LRRC2: variants seen among roughly 807,000 people sequenced by gnomAD.
LRRC2 encodes leucine-rich repeat-containing protein 2.
A neutral mutation model predicts 40.2 loss-of-function variants in LRRC2; 27 were observed. That is an observed-to-expected ratio of 0.67 (90% CI 0.49 to 0.93). The LOEUF is 0.93. Among genes scored for constraint, LRRC2 ranks in the 40% least tolerant of loss-of-function variants. The pLI is 0.00. For missense variants in LRRC2, 402 were observed against 439.6 expected (o/e 0.91, Z 0.76); for synonymous variants, 147 against 158.9 (o/e 0.92, Z 0.56).
At chr3:46,556,861 G>A (rs560853585) in intron 1 of LRRC2, among the ~76,000 whole-genome samples, 1 of 152,256 alleles carries the variant, frequency 6.6e-6, no homozygotes, top group Admixed American at 6.5e-5. Flanking sequence ...ACAGGCGTGA[G>A]CCATCGCGCC....
intron 4 of LRRC2, among the ~76,000 whole-genome samples, chr3:46,534,903 G>A (rs1362058884): frequency 2.0e-5 from 3 of 152,198 alleles, no homozygotes; most frequent in East Asian, 1.9e-4. Context: ...TCATTCCCAC[G>A]TTCCTCACTA....
chr3:46,521,849 TA>T (rs2106975275), intron 7 of LRRC2, among the ~76,000 whole-genome samples, 191 bp from the exon 8 acceptor site: 1 of 152,340 alleles, frequency 6.6e-6, no homozygotes, highest in African/African-American at 2.4e-5. Flanking sequence ...GAGCCAGTTT[TA>T]AAGTATAGAC....
chr3:46,534,916 C>T (rs1704244203), intron 4 of LRRC2, among the ~76,000 whole-genome samples: 1 of 152,212 alleles, frequency 6.6e-6, no homozygotes, highest in Non-Finnish European at 1.5e-5. Flanking sequence ...CCTCACTATG[C>T]TTGAGCATCA....
intron 7 of LRRC2, among the ~76,000 whole-genome samples, chr3:46,523,701 A>AC (rs1704005602): frequency 2.0e-5 from 3 of 151,810 alleles, no homozygotes; most frequent in African/African-American, 7.3e-5. Flanking sequence ...CCATCCATCC[A>AC]CCCATCCATC....
chr3:46,527,874 G>T (rs1465110746), intron 6 of LRRC2, among the ~76,000 whole-genome samples: 1 of 151,984 alleles, frequency 6.6e-6, no homozygotes, highest in African/African-American at 2.4e-5. Flanking sequence ...TAGGACTACA[G>T]GCACACGCCA....
chr3:46,552,246 A>T (rs552503025), intron 1 of LRRC2, among the ~76,000 whole-genome samples: 2 of 152,192 alleles, frequency 1.3e-5, no homozygotes, highest in African/African-American at 4.8e-5. Context: ...AGGTTGTTAC[A>T]TAATCAAGGA....
chr3:46,545,496 C>T (rs771498014), intron 2 of LRRC2, among the ~76,000 whole-genome samples: 17 of 152,280 alleles, frequency 1.1e-4, no homozygotes, highest in African/African-American at 3.4e-4. Context: ...TCTGGCTATG[C>T]GTTTAATTAT....
chr3:46,554,475 C>G (rs1018587577), intron 1 of LRRC2, among the ~76,000 whole-genome samples: 2 of 151,950 alleles, frequency 1.3e-5, no homozygotes, highest in African/African-American at 2.4e-5. Context: ...GAAACCCCAT[C>G]TCTACTAAAA....
intron 2 of LRRC2, among the ~76,000 whole-genome samples, chr3:46,546,634 TA>T (rs891419998): frequency 3.5e-4 from 53 of 151,626 alleles, no homozygotes; most frequent in African/African-American, 1.2e-3. Context: ...GCCATACAAA[TA>T]ATTCTTATCC....
At chr3:46,554,271 T>A (rs1486579195) in intron 1 of LRRC2, among the ~76,000 whole-genome samples, 1 of 60,826 alleles carries the variant, frequency 1.6e-5, no homozygotes, top group African/African-American at 6.6e-5. Flanking sequence ...TCCACCCACC[T>A]AGGCCTCCCA....
chr3:46,549,137 C>T (rs866482594), intron 2 of LRRC2, among the ~76,000 whole-genome samples: 1 of 152,176 alleles, frequency 6.6e-6, no homozygotes, highest in Admixed American at 6.5e-5. Flanking sequence ...ACAACTACAG[C>T]ATTACAGGAT....
intron 5 of LRRC2, among the ~76,000 whole-genome samples, 189 bp downstream of exon 5, chr3:46,532,584 G>A (rs1338878816): frequency 6.7e-6 from 1 of 150,138 alleles, no homozygotes; most frequent in Non-Finnish European, 1.5e-5. Flanking sequence ...CAGCCTGGGT[G>A]ACAGAGCAAG....
chr3:46,562,887 G>C (rs2001442), intron 1 of LRRC2, among the ~76,000 whole-genome samples: 2 of 151,776 alleles, frequency 1.3e-5, no homozygotes, highest in Non-Finnish European at 2.9e-5. Flanking sequence ...CACCATATCC[G>C]GCTAATTTTT....
At chr3:46,523,544 A>G (rs1025142956) in intron 7 of LRRC2, among the ~76,000 whole-genome samples, 4 of 152,206 alleles carry the variant, frequency 2.6e-5, no homozygotes, top group African/African-American at 9.7e-5. Context: ...ATTCTTAAAT[A>G]TTCACAAAAG....
Position 46,521,523 on chromosome 3 carries a change from T to C in LRRC2, c.1065A>G (p.Arg355=). 1 of 1,597,622 alleles carries C rather than the reference T, an allele frequency of 6.3e-7. No homozygotes were observed. Among genetic ancestry groups the C allele is most frequent in the Non-Finnish European group, 8.5e-7 (1 of 1,171,310 alleles). Reference sequence around the variant, plus strand: ...TAATTTTAAATATGAGTAACCCACCTCTTTCTTTAAGGTCTTCAATATAGG... The same window carrying C: ...TAATTTTAAATATGAGTAACCCACCCCTTTCTTTAAGGTCTTCAATATAGG... The part of the protein sequence containing the change: ...MKAYIEDLKE[R]ESVPSYTTKV... The change falls in exon 8 of 9, where the codon AGA becomes AGG. Residue 355 remains arginine, a splice_region_variant and synonymous_variant. Transcript: ENST00000395905.
chr3:46,529,922 C>G lies in LRRC2; in HGVS notation c.756G>C (p.Leu252=). The change falls in exon 6 of 9, where the codon CTG becomes CTC. Residue 252 remains leucine (L), a synonymous_variant. Coordinates refer to ENST00000395905, the MANE Select transcript of LRRC2 (RefSeq NM_024512.5). Reference sequence around the variant, plus strand: ...GTAGCTACCTGTCTATATCTTGCGGCAGGTCGGTCAGGTTATTGCTGCTGA... The same window carrying G: ...GTAGCTACCTGTCTATATCTTGCGGGAGGTCGGTCAGGTTATTGCTGCTGA... ...LDISSNNLTD[L]PQDIDRLEEL... is the part of the protein sequence containing the mutation. 1 of 1,614,078 alleles carries G rather than the reference C, an allele frequency of 6.2e-7. No homozygotes were observed. The highest frequency in any genetic ancestry group is 8.5e-7 in the Non-Finnish European group (1 of 1,180,012).
At chr3:46,564,698 T>C (rs1193189071) in intron 1 of LRRC2, among the ~76,000 whole-genome samples, 1 of 151,994 alleles carries the variant, frequency 6.6e-6, no homozygotes, top group African/African-American at 2.4e-5. Flanking sequence ...GAGGTCACCT[T>C]AACCAGCCAT....
intron 1 of LRRC2, among the ~76,000 whole-genome samples, chr3:46,562,177 A>G (rs1704959116): frequency 6.6e-6 from 1 of 152,110 alleles, no homozygotes; most frequent in East Asian, 1.9e-4. Context: ...CTGTCAGATC[A>G]CTCACTCTAG....
In LRRC2 at chr3:46,517,248, T is replaced by C. The variant is rs1200305406; in HGVS notation, c.*1766A>G. 2 of 151,180 alleles carry C rather than the reference T, an allele frequency of 1.3e-5. No individual in the cohort carries two copies. The highest frequency in any genetic ancestry group is 2.9e-5 in the Non-Finnish European group (2 of 67,896). The allele number at this position is 151,180 out of a possible 1,614,324, so 9.4% of individuals were successfully genotyped here. ...ATATAAAAATATGCCACTATATGCA[T>C]ATTTTCCTTCTTAGTCACAAAAGCT... On this transcript the variant is annotated 3_prime_UTR_variant, in exon 9 of 9. Coordinates refer to ENST00000395905, the MANE Select transcript of LRRC2 (RefSeq NM_024512.5).
Sources: gnomAD v4.1 joint callset for allele counts (sites outside exome capture counted in the v4.1 genomes callset) on GRCh38, gnomAD v4.1.1 for gene constraint, MANE v1.5 for transcripts, NCBI Gene and HGNC (gene_info 2026-07-23, HGNC 2026-07-21) for gene names.